The following FBN1 variants were observed in gnomAD, a reference collection of about 807,000 sequenced individuals.
FBN1 encodes the protein fibrillin 1, also known as fibrillin-1.
Under a neutral mutation model 365.1 loss-of-function variants are expected in FBN1, and 29 were observed. The observed-to-expected ratio is 0.08, with a 90% confidence interval of 0.06 to 0.11. The LOEUF is 0.11. Among genes scored for constraint, FBN1 ranks in the 10% least tolerant of loss-of-function variants. FBN1 has a pLI of 1.00. For missense variants in FBN1, 2,476 were observed against 3,703.2 expected, an observed-to-expected ratio of 0.67 and a Z score of 8.60; for synonymous variants, 1,210 against 1,270.5, an observed-to-expected ratio of 0.95 and a Z score of 1.01.
intron 6 of FBN1, among the ~76,000 whole-genome samples, chr15:48,579,172 C>T (rs376258925): frequency 1.3e-5 from 2 of 152,056 alleles, no homozygotes; most frequent in African/African-American, 2.4e-5. Flanking sequence ...GATTTCACCA[C>T]GAGCACTGAA....
intron 6 of FBN1, among the ~76,000 whole-genome samples, chr15:48,588,399 T>A (rs534075780): frequency 6.6e-6 from 1 of 152,234 alleles, no homozygotes; most frequent in Non-Finnish European, 1.5e-5. Flanking sequence ...ACTGTTCTAC[T>A]GTTTGAACAT....
At chr15:48,640,404 T>C (rs1315046074) in intron 2 of FBN1, among the ~76,000 whole-genome samples, 2 of 152,206 alleles carry the variant, frequency 1.3e-5, no homozygotes, top group East Asian at 3.8e-4. Context: ...TTTCCCCATA[T>C]TTAATTATTA....
chr15:48,620,595 T>C (rs182904106), intron 2 of FBN1, among the ~76,000 whole-genome samples: 2 of 152,140 alleles, frequency 1.3e-5, no homozygotes, highest in African/African-American at 2.4e-5. Context: ...GTTATTACAA[T>C]CTTCATTTTT....
At chr15:48,589,215 C>T (rs893548241) in intron 6 of FBN1, among the ~76,000 whole-genome samples, 3 of 152,070 alleles carry the variant, frequency 2.0e-5, no homozygotes, top group African/African-American at 7.2e-5. Flanking sequence ...ATGCCTCTGC[C>T]CCCATTAAAG....
Position 48,452,580 on chromosome 15 carries a change from A to T in FBN1, c.5527T>A (p.Ser1843Thr). Residue 1843 changes from serine to threonine, a missense_variant, in exon 45 of 66, where the codon TCC becomes ACC. By Grantham distance (58) the Ser-to-Thr change is moderately conservative. Around this residue, in one of 5 missense-constraint regions of FBN1, gnomAD observed 1,780 missense variants for 2,840.8 expected, o/e 0.63. Transcript: ENST00000316623. ...TACATACCATTGCACTGTCCTGTGG[A>T]GGTGAAGCGGTAGCCGGGCTTACAG... ...CDCKPGYRFT[S>T]TGQCNDRNEC... The T allele has an allele frequency of 6.2e-7, 1 of 1,614,094 alleles. No individual in the cohort carries two copies. Among genetic ancestry groups the T allele is most frequent in the South Asian group, 1.1e-5 (1 of 91,084 alleles).
intron 60 of FBN1, 90 bp from the exon 61 acceptor site, chr15:48,422,158 T>G (rs116817789): frequency 2.3e-6 from 2 of 871,822 alleles, no homozygotes; most frequent in Non-Finnish European, 3.9e-6. Context: ...ACGTTTGATT[T>G]GGAGGTCTCA....
chr15:48,595,934 TA>T (rs1055182044), intron 6 of FBN1, among the ~76,000 whole-genome samples: 2 of 152,224 alleles, frequency 1.3e-5, no homozygotes, highest in African/African-American at 4.8e-5. Flanking sequence ...CAAGACCACT[TA>T]ATTCACTGGC....
chr15:48,517,262 T>C (rs562445674), intron 10 of FBN1, among the ~76,000 whole-genome samples: 2 of 152,268 alleles, frequency 1.3e-5, no homozygotes, highest in South Asian at 4.1e-4. Flanking sequence ...TTCAGAGTCA[T>C]CAGTACAGAG....
At position 48,494,195 on chromosome 15, in the gene FBN1, C is replaced by G; in HGVS notation, c.2728+9G>C. The G allele has an allele frequency of 1.2e-6, 2 of 1,604,578 alleles. No homozygotes were observed. Among genetic ancestry groups the G allele is most frequent in the Non-Finnish European group, 1.7e-6 (2 of 1,171,622 alleles). On this transcript the variant is annotated intron_variant, in intron 23 of 65. Transcript: ENST00000316623. Reference sequence around the variant, plus strand: ...CAAAAATGTATGGTTTATAAGTAATCAGAAATACCTTCACATTGTGTTCCT... The same window carrying G: ...CAAAAATGTATGGTTTATAAGTAATGAGAAATACCTTCACATTGTGTTCCT...
chr15:48,630,144 G>A (rs1291843280), intron 2 of FBN1, among the ~76,000 whole-genome samples: 1 of 152,180 alleles, frequency 6.6e-6, no homozygotes, highest in Non-Finnish European at 1.5e-5. Context: ...GGGCATCACA[G>A]GTCCTTTTTG....
chr15:48,482,495 T>A (rs200214028), intron 31 of FBN1, among the ~76,000 whole-genome samples: 2 of 152,238 alleles, frequency 1.3e-5, no homozygotes, highest in East Asian at 3.9e-4. Flanking sequence ...ACTAGGTGAA[T>A]CCTACAATTG....
At chr15:48,545,227 A>G (rs1038579900) in intron 6 of FBN1, among the ~76,000 whole-genome samples, 1 of 152,232 alleles carries the variant, frequency 6.6e-6, no homozygotes, top group African/African-American at 2.4e-5. Flanking sequence ...AAAAATTGTC[A>G]GGGGCAACAT....
At position 48,597,391 on chromosome 15, in the gene FBN1, C is replaced by T. The variant is rs1597624321; in HGVS notation, c.443-1013G>A. On this transcript the variant is annotated intron_variant, in intron 5 of 65. Coordinates refer to ENST00000316623, the MANE Select transcript of FBN1 (RefSeq NM_000138.5). ...GGATACTAAAGCCTGGCTATTTCCACCCATCATGGAACTCTTTGATGGGCA... is the reference window on the plus strand; with the variant it reads ...GGATACTAAAGCCTGGCTATTTCCATCCATCATGGAACTCTTTGATGGGCA... Among the ~76,000 whole-genome samples, 3 of 152,306 alleles carry T rather than the reference C, an allele frequency of 2.0e-5. No individual in the cohort carries two copies. The South Asian group carries it at 6.2e-4, about 32-fold the overall frequency.
chr15:48,447,163 T>C (rs920402897), intron 46 of FBN1, among the ~76,000 whole-genome samples: 2 of 152,194 alleles, frequency 1.3e-5, no homozygotes, highest in African/African-American at 4.8e-5. Flanking sequence ...GAAAAAACTC[T>C]GTGTGCATCT....
chr15:48,544,734 A>G (rs1490472708), intron 6 of FBN1, among the ~76,000 whole-genome samples: 2 of 152,228 alleles, frequency 1.3e-5, no homozygotes, highest in Non-Finnish European at 2.9e-5. Flanking sequence ...TCTTGTTCAG[A>G]GTAAAAGAAT....
intron 6 of FBN1, among the ~76,000 whole-genome samples, chr15:48,544,994 T>C (rs1012057947): frequency 1.3e-5 from 2 of 152,264 alleles, no homozygotes; most frequent in African/African-American, 4.8e-5. Context: ...TTGGCTCTGA[T>C]TCATTCCCTT....
chr15:48,579,199 T>C (rs1276316758), intron 6 of FBN1, among the ~76,000 whole-genome samples: 1 of 152,118 alleles, frequency 6.6e-6, no homozygotes, highest in African/African-American at 2.4e-5. Flanking sequence ...TTGTATGTCA[T>C]AACAAATATC....
At chr15:48,498,960 A>T (rs770835817) in intron 18 of FBN1, 25 bp downstream of exon 18, 9 of 1,610,392 alleles carry the variant, frequency 5.6e-6, no homozygotes, top group Non-Finnish European at 7.6e-6. Context: ...TACTGAAGGT[A>T]GTAAATTTTG....
At chr15:48,431,542 T>C (rs931321209) in intron 55 of FBN1, among the ~76,000 whole-genome samples, 1 of 152,114 alleles carries the variant, frequency 6.6e-6, no homozygotes, top group Non-Finnish European at 1.5e-5. Context: ...ATAATCACAA[T>C]ATATGATAAG....
Sources: gnomAD v4.1 joint callset for allele counts (sites outside exome capture counted in the v4.1 genomes callset) on GRCh38, gnomAD v4.1.1 for gene constraint, gnomAD v4.1.1 regional missense constraint, MANE v1.5 for transcripts, NCBI Gene and HGNC (gene_info 2026-07-23, HGNC 2026-07-21) for gene names.